RIPOR2: variants seen among roughly 807,000 people sequenced by gnomAD.
RIPOR2 encodes rho family-interacting cell polarization regulator 2.
A neutral mutation model predicts 114.5 loss-of-function variants in RIPOR2; 39 were observed. The ratio of observed to expected loss-of-function variants is 0.34; its 90% CI spans 0.26 to 0.44. The LOEUF (loss-of-function observed/expected upper bound fraction) is 0.44. Ranked by LOEUF, RIPOR2 falls within the 20% of genes least tolerant of loss-of-function variation. The pLI is 1.00. For missense variants in RIPOR2, 1,007 were observed against 1,255.1 expected, an observed-to-expected ratio of 0.80 and a Z score of 2.99; for synonymous variants, 445 against 484.4, an observed-to-expected ratio of 0.92 and a Z score of 1.07.
chr6:24,891,201 C>G (rs1767323082), intron 1 of RIPOR2, among the ~76,000 whole-genome samples: 1 of 152,018 alleles, frequency 6.6e-6, no homozygotes, highest in African/African-American at 2.4e-5. Context: ...TTCCCAGAGG[C>G]CTGTACACAT....
chr6:24,872,316 C>T (rs1765257498), intron 4 of RIPOR2, among the ~76,000 whole-genome samples: 1 of 152,128 alleles, frequency 6.6e-6, no homozygotes. Context: ...CCTGATTTTA[C>T]TGATTATATT....
At chr6:25,041,900 C>G (rs1465771817) in exon 1 of RIPOR2, 1 of 702,858 alleles carries the variant, frequency 1.4e-6, no homozygotes, top group Non-Finnish European at 2.6e-6. Context: ...TGTTTCTGAT[C>G]CAGTGTAATC....
chr6:24,935,234 G>A (rs1203347248), intron 1 of RIPOR2, among the ~76,000 whole-genome samples: 1 of 150,726 alleles, frequency 6.6e-6, no homozygotes, highest in Non-Finnish European at 1.5e-5. Flanking sequence ...CTTGAACCCG[G>A]GAGACGGAGG....
intron 1 of RIPOR2, among the ~76,000 whole-genome samples, chr6:24,897,079 C>T (rs1767951683): frequency 6.6e-6 from 1 of 152,150 alleles, no homozygotes; most frequent in South Asian, 2.1e-4. Flanking sequence ...TTGAAGAACG[C>T]CATTCACACT....
At chr6:24,958,953 A>ATTTTTTTTTTT (rs552726204) in intron 1 of RIPOR2, among the ~76,000 whole-genome samples, 2 of 11,300 alleles carry the variant, frequency 1.8e-4, no homozygotes, top group African/African-American at 5.0e-4. Context: ...CAAGCTCTAC[A>ATTTTTTTTTTT]TTTTCTTTTT....
intron 16 of RIPOR2, among the ~76,000 whole-genome samples, chr6:24,831,900 G>C (rs1266329521): frequency 6.6e-6 from 1 of 152,256 alleles, no homozygotes; most frequent in East Asian, 1.9e-4. Context: ...GTCACTACAG[G>C]AGTTGTCTTA....
At chr6:24,941,014 T>C (rs1772101258) in intron 1 of RIPOR2, among the ~76,000 whole-genome samples, 1 of 152,142 alleles carries the variant, frequency 6.6e-6, no homozygotes, top group South Asian at 2.1e-4. Flanking sequence ...ACCAATCTCA[T>C]GGGTACAATC....
chr6:24,967,632 C>T (rs1215685802), intron 1 of RIPOR2, among the ~76,000 whole-genome samples: 1 of 152,152 alleles, frequency 6.6e-6, no homozygotes, highest in African/African-American at 2.4e-5. Context: ...GGTCCCTCTC[C>T]TAACCAGCAT....
intron 1 of RIPOR2, among the ~76,000 whole-genome samples, chr6:24,920,594 A>G (rs1182844398): frequency 2.6e-5 from 4 of 152,224 alleles, no homozygotes; most frequent in African/African-American, 9.7e-5. Context: ...AAATCTATGA[A>G]TAATTTTCTA....
chr6:24,861,227 T>C (rs144093907), intron 7 of RIPOR2, among the ~76,000 whole-genome samples, 191 bp from the exon 8 acceptor site: 78 of 152,312 alleles, frequency 5.1e-4, no homozygotes, highest in African/African-American at 1.8e-3. Context: ...CCTTTTAGTG[T>C]ACAGGAAATT....
chr6:24,963,561 A>G (rs979557596), intron 1 of RIPOR2, among the ~76,000 whole-genome samples: 4 of 152,238 alleles, frequency 2.6e-5, no homozygotes, highest in Admixed American at 1.3e-4. Context: ...GTACACATAT[A>G]TACATATACA....
At chr6:24,876,539 A>G (rs1224387702) in intron 1 of RIPOR2, among the ~76,000 whole-genome samples, 2 of 152,170 alleles carry the variant, frequency 1.3e-5, no homozygotes, top group Non-Finnish European at 2.9e-5. Flanking sequence ...GGAATTCTAC[A>G]CCTAGGGGTC....
intron 1 of RIPOR2, among the ~76,000 whole-genome samples, chr6:24,982,294 GT>G (rs1417061629): frequency 1.3e-5 from 2 of 152,176 alleles, no homozygotes; most frequent in Non-Finnish European, 2.9e-5. Context: ...GTTTTGTTTG[GT>G]TGTTCTACTT....
intron 1 of RIPOR2, among the ~76,000 whole-genome samples, chr6:24,954,905 G>T (rs1203630201): frequency 6.6e-6 from 1 of 152,190 alleles, no homozygotes; most frequent in Non-Finnish European, 1.5e-5. Flanking sequence ...CATTTTGGTG[G>T]CTGTGCAGCA....
At chr6:25,033,789 G>T (rs1281643758) in intron 1 of RIPOR2, among the ~76,000 whole-genome samples, 1 of 152,150 alleles carries the variant, frequency 6.6e-6, no homozygotes, top group African/African-American at 2.4e-5. Context: ...TATAGTTTTA[G>T]AATTGTTATA....
At chr6:25,016,690 A>AT (rs1461847030) in intron 1 of RIPOR2, among the ~76,000 whole-genome samples, 1 of 152,224 alleles carries the variant, frequency 6.6e-6, no homozygotes, top group Non-Finnish European at 1.5e-5. Context: ...CCCTTAACTG[A>AT]TTCATCACTT....
intron 1 of RIPOR2, among the ~76,000 whole-genome samples, chr6:24,888,539 G>A (rs931293561): frequency 6.6e-6 from 1 of 152,180 alleles, no homozygotes; most frequent in African/African-American, 2.4e-5. Context: ...TAGGTTCTAG[G>A]AGAATGTACC....
chr6:24,879,365 T>C (rs539001470), intron 1 of RIPOR2, among the ~76,000 whole-genome samples: 36 of 152,200 alleles, frequency 2.4e-4, no homozygotes, highest in Non-Finnish European at 4.7e-4. Context: ...ACCGAGAAAC[T>C]TTTCACTAAA....
chr6:24,846,841 C>T (rs765272252), intron 12 of RIPOR2, among the ~76,000 whole-genome samples: 2 of 152,036 alleles, frequency 1.3e-5, no homozygotes, highest in African/African-American at 2.4e-5. Flanking sequence ...ATCTTTTTAT[C>T]GAAGTGTTAT....
Sources: gnomAD v4.1 joint callset for allele counts (sites outside exome capture counted in the v4.1 genomes callset) on GRCh38, gnomAD v4.1.1 for gene constraint, MANE v1.5 for transcripts, NCBI Gene and HGNC (gene_info 2026-07-23, HGNC 2026-07-21) for gene names.